The following PPFIA3 variants were observed in gnomAD, a reference collection of about 807,000 sequenced individuals.
PPFIA3 encodes the protein liprin-alpha-3.
Under a neutral mutation model 145.8 loss-of-function variants are expected in PPFIA3, and 26 were observed. The ratio of observed to expected loss-of-function variants is 0.18; its 90% CI spans 0.13 to 0.25. The LOEUF (loss-of-function observed/expected upper bound fraction) is 0.25. Among genes scored for constraint, PPFIA3 ranks in the 10% least tolerant of loss-of-function variants. The pLI is 1.00. For missense variants in PPFIA3, 1,008 were observed against 1,587.8 expected, an observed-to-expected ratio of 0.63 and a Z score of 6.21; for synonymous variants, 645 against 661.4, an observed-to-expected ratio of 0.98 and a Z score of 0.38.
chr19:49,128,510 T>C lies in PPFIA3; in HGVS notation c.342+42T>C. ...GCGGGGCCTAAGTGGGGGCGGGGCCTCGTGGTGTTGAAGTGGGGGGCGGGG... is the reference window on the plus strand; with the variant it reads ...GCGGGGCCTAAGTGGGGGCGGGGCCCCGTGGTGTTGAAGTGGGGGGCGGGG... On this transcript the variant is annotated intron_variant, in intron 3 of 29. Transcript: ENST00000334186. This position sits in a 1 kb window ranked among gnomAD's most constrained non-coding sequence, Gnocchi z 4.1. 7.2e-7 allele frequency: 1 copy of C among 1,381,502 alleles called. No individual in the cohort carries two copies. The highest frequency in any genetic ancestry group is 1.0e-6 in the Non-Finnish European group (1 of 990,448). The allele number at this position is 1,381,502 out of a possible 1,614,324, so 85.6% of individuals were successfully genotyped here. A position where few individuals can be genotyped will look rare whatever the true frequency, so the allele number is the denominator to read the frequency against.
rs1326436282 is a variant in PPFIA3 at position 49,127,864 on chromosome 19, C to T, written c.-10C>T. The stretch of plus-strand genomic sequence containing the variant: ...TTGCCCTCCCCGCCCCGCAGGCCCG[C>T]ACCGCCGCCATGATGTGCGAGGTGA... On this transcript the variant is annotated 5_prime_UTR_variant, in exon 2 of 30. Coordinates refer to ENST00000334186, the MANE Select transcript of PPFIA3 (RefSeq NM_003660.4). The T allele has an allele frequency of 1.9e-6, 3 of 1,590,562 alleles. No homozygotes were observed. Among genetic ancestry groups the T allele is most frequent in the Non-Finnish European group, 2.5e-6 (3 of 1,177,424 alleles).
chr19:49,141,349 A>G (rs1488948611), intron 18 of PPFIA3, 71 bp from the exon 19 acceptor site: 10 of 1,226,262 alleles, frequency 8.2e-6, no homozygotes, highest in Non-Finnish European at 1.2e-5. Context: ...CATTTTCCTC[A>G]TCACCTCCAG....
rs189072970 is a variant in PPFIA3 at position 49,122,334 on chromosome 19, G to A, written c.-16+2612G>A. ...CCGACCTCAGGTGATCACCTGCCTC[G>A]GCCTCCCAAAGTGCTGGGATTATAG... On this transcript the variant is annotated intron_variant, in intron 1 of 29. Coordinates refer to ENST00000334186, the MANE Select transcript of PPFIA3 (RefSeq NM_003660.4). Among the ~76,000 whole-genome samples the A allele has an allele frequency of 1.3e-3, 201 of 151,972 alleles. 2 individuals are homozygous for A. Among genetic ancestry groups the A allele is most frequent in the African/African-American group, 4.4e-3 (183 of 41,444 alleles).
intron 13 of PPFIA3, 120 bp downstream of exon 13, chr19:49,135,035 T>TTTTTTTTTG: frequency 1.4e-6 from 1 of 690,958 alleles, no homozygotes; most frequent in Non-Finnish European, 2.3e-6. Flanking sequence ...TGTTTTTGTT[T>TTTTTTTTTG]TTTGTTTGTT....
chr19:49,123,721 C>T (rs977845875), intron 1 of PPFIA3, among the ~76,000 whole-genome samples: 1 of 152,150 alleles, frequency 6.6e-6, no homozygotes, highest in Non-Finnish European at 1.5e-5. Context: ...GGATTACAGG[C>T]GTGAACCACC....
chr19:49,122,078 A>ATTT lies in PPFIA3; in HGVS notation c.-16+2373_-16+2375dup, dbSNP rs4002359. ...GGTCTGAGTTCTAGGCCAGATGCCAATTTTTTTTTTTTTTTTTTTGAGACG... is the reference window on the plus strand; with the variant it reads ...GGTCTGAGTTCTAGGCCAGATGCCAATTTTTTTTTTTTTTTTTTTTTTGAGACG... On this transcript the variant is annotated intron_variant, in intron 1 of 29. Transcript: ENST00000334186. Among the ~76,000 whole-genome samples the ATTT allele has an allele frequency of 7.7e-3, 1,012 of 131,794 alleles. 5 individuals are homozygous for ATTT. Among genetic ancestry groups the ATTT allele is most frequent in the Non-Finnish European group, 1.0e-2 (631 of 63,160 alleles). 86.5% of individuals were successfully genotyped at this position (131,794 alleles called of 152,430 possible).
chr19:49,145,893 C>A (rs1429809194), intron 21 of PPFIA3, 50 bp from the exon 22 acceptor site: 2 of 1,551,468 alleles, frequency 1.3e-6, no homozygotes, highest in South Asian at 2.2e-5. Flanking sequence ...CCTTCCTCTC[C>A]CCCACGCGAA....
At chr19:49,144,886 A>C (rs939646819) in intron 21 of PPFIA3, among the ~76,000 whole-genome samples, 6 of 151,734 alleles carry the variant, frequency 4.0e-5, no homozygotes, top group African/African-American at 1.5e-4. Flanking sequence ...TATCACACCT[A>C]AGGGCATTCA....
In PPFIA3 at chr19:49,136,888, G is replaced by A. The variant is rs565442566; in HGVS notation, c.1830G>A (p.Leu610=). 4 of 1,563,794 alleles carry A rather than the reference G, an allele frequency of 2.6e-6. No individual in the cohort carries two copies. Among genetic ancestry groups the A allele is most frequent in the South Asian group, 1.2e-5 (1 of 84,834 alleles). The change falls in exon 15 of 30, where the codon CTG becomes CTA. Residue 610 remains leucine (L), a synonymous_variant. Coordinates refer to ENST00000334186, the MANE Select transcript of PPFIA3 (RefSeq NM_003660.4). ...TGGCCATCATGCTTCAGGAGCAGCT[G>A]GAGGCCATCAACAAGGAGATCAAGT... The part of the protein sequence containing the change: ...QTLAIMLQEQ[L]EAINKEIKLI...
intron 1 of PPFIA3, among the ~76,000 whole-genome samples, chr19:49,125,856 C>T (rs1010251811): frequency 3.9e-5 from 6 of 151,906 alleles, no homozygotes; most frequent in African/African-American, 1.5e-4. Context: ...GAGGCGGGAG[C>T]TAGTTCTTGG....
In PPFIA3 at chr19:49,140,108, C is replaced by A. The variant is rs2041199826; in HGVS notation, c.2368+20C>A. On this transcript the variant is annotated intron_variant, in intron 18 of 29. Coordinates refer to ENST00000334186, the MANE Select transcript of PPFIA3 (RefSeq NM_003660.4). The stretch of plus-strand genomic sequence containing the variant: ...CTCTGGGTGAGTACCTCACTCTAAC[C>A]CTTCCCTCCTTTGTTCCTTCCTCCC... 9 of 1,612,588 alleles carry A rather than the reference C, an allele frequency of 5.6e-6. No homozygotes were observed. The highest frequency in any genetic ancestry group is 6.8e-6 in the Non-Finnish European group (8 of 1,179,346).
chr19:49,125,920 T>C (rs889185645), intron 1 of PPFIA3, among the ~76,000 whole-genome samples: 3 of 123,228 alleles, frequency 2.4e-5, no homozygotes, highest in Non-Finnish European at 5.3e-5. Context: ...CTGGCCATAC[T>C]GGTATTTTTT....
rs776713540 is a variant in PPFIA3 at position 49,129,364 on chromosome 19, C to T, written c.508-16C>T. On this transcript the variant is annotated splice_polypyrimidine_tract_variant and intron_variant, in intron 4 of 29. Coordinates refer to ENST00000334186, the MANE Select transcript of PPFIA3 (RefSeq NM_003660.4). ...ATCTTGTCTCCAGCTGACTGTTGCC[C>T]TGCCCCGATCCCCAGGTCCGGGAGC... 3.2e-6 allele frequency: 5 copies of T among 1,549,048 alleles called. No individual in the cohort carries two copies. Among genetic ancestry groups the T allele is most frequent in the South Asian group, 2.4e-5 (2 of 83,944 alleles).
At chr19:49,122,734 T>TG (rs1410536741) in intron 1 of PPFIA3, among the ~76,000 whole-genome samples, 2 of 109,490 alleles carry the variant, frequency 1.8e-5, no homozygotes, top group African/African-American at 7.4e-5. Context: ...TTTTTTTTTT[T>TG]GGCGGGGGAT....
chr19:49,132,089 G>C (rs1438768761), intron 7 of PPFIA3, among the ~76,000 whole-genome samples: 1 of 149,504 alleles, frequency 6.7e-6, no homozygotes, highest in Non-Finnish European at 1.5e-5. Context: ...GCCGAGATCC[G>C]TACCACTGCA....
Position 49,129,982 on chromosome 19 carries a change from C to T in PPFIA3, c.583-11C>T. 1 of 1,613,346 alleles carries T rather than the reference C, an allele frequency of 6.2e-7. No individual in the cohort carries two copies. The highest frequency in any genetic ancestry group is 1.1e-5 in the South Asian group (1 of 91,046). On this transcript the variant is annotated splice_polypyrimidine_tract_variant and intron_variant, in intron 5 of 29. Transcript: ENST00000334186. ...AGCCCCTGTGCTCTGATTCCCCTTT[C>T]ACACTTCCAGACTCTGAACCTTCGA...
intron 1 of PPFIA3, chr19:49,125,535 C>T (rs1365888016): frequency 6.6e-6 from 1 of 152,488 alleles, no homozygotes; most frequent in Non-Finnish European, 1.5e-5. Context: ...CCCCAGAAAC[C>T]CCGCCCCTTC....
At chr19:49,147,332 G>A (rs1360277033) in intron 23 of PPFIA3, among the ~76,000 whole-genome samples, 3 of 152,128 alleles carry the variant, frequency 2.0e-5, no homozygotes, top group East Asian at 1.9e-4. Flanking sequence ...CAGGAGGACC[G>A]CTTGAGCCCA....
chr19:49,123,534 G>A (rs1390106804), intron 1 of PPFIA3, among the ~76,000 whole-genome samples: 3 of 151,546 alleles, frequency 2.0e-5, no homozygotes, highest in Admixed American at 6.6e-5. Flanking sequence ...TCCGCCTCCC[G>A]TGTTCAAGCA....
Sources: gnomAD v4.1 joint callset for allele counts (sites outside exome capture counted in the v4.1 genomes callset) on GRCh38, gnomAD v4.1.1 for gene constraint, Gnocchi (gnomAD v3.1) non-coding constraint, MANE v1.5 for transcripts, NCBI Gene and HGNC (gene_info 2026-07-23, HGNC 2026-07-21) for gene names.